DGKB: variants seen among roughly 807,000 people sequenced by gnomAD.
DGKB encodes the protein diacylglycerol kinase beta.
DGKB carries 67 observed loss-of-function variants against 114.3 expected under a neutral mutation model. The observed-to-expected ratio is 0.59, with a 90% CI of 0.48 to 0.72. The LOEUF (loss-of-function observed/expected upper bound fraction) is 0.72, where lower values mean the gene tolerates loss of function less well. Ranked by LOEUF, DGKB falls within the 30% of genes least tolerant of loss-of-function variation. The pLI is 0.00. For synonymous variants in DGKB, 398 were observed against 323.1 expected, an observed-to-expected ratio of 1.23 and a Z score of -2.49; for missense variants, 907 against 975.2, an observed-to-expected ratio of 0.93 and a Z score of 0.93.
At chr7:14,742,042 T>C (rs1212904002) in intron 4 of DGKB, among the ~76,000 whole-genome samples, 2 of 152,216 alleles carry the variant, frequency 1.3e-5, no homozygotes, top group Non-Finnish European at 2.9e-5. Flanking sequence ...TGAGAGACCC[T>C]AAGATAATTT....
intron 23 of DGKB, among the ~76,000 whole-genome samples, chr7:14,237,813 TTA>T (rs1389861862): frequency 4.3e-4 from 66 of 152,128 alleles, no homozygotes; most frequent in Admixed American, 3.2e-3. Context: ...CGTTTGTTTT[TTA>T]TTTTTCTTGA....
chr7:14,509,582 C>G (rs10225630), intron 20 of DGKB, among the ~76,000 whole-genome samples: 16,058 of 152,246 alleles, frequency 0.11, 1,846 homozygotes, highest in African/African-American at 0.29. Context: ...GAATGACTCA[C>G]GAGTTCTCCT....
At chr7:14,326,176 T>C (rs1397865981) in intron 23 of DGKB, among the ~76,000 whole-genome samples, 3 of 152,086 alleles carry the variant, frequency 2.0e-5, no homozygotes, top group South Asian at 2.1e-4. Context: ...TCAATGTCTA[T>C]GTCAAAAGTC....
At chr7:14,761,075 A>G (rs190719267) in intron 2 of DGKB, among the ~76,000 whole-genome samples, 1 of 152,140 alleles carries the variant, frequency 6.6e-6, no homozygotes, top group Non-Finnish European at 1.5e-5. Flanking sequence ...TGCCTCTCCA[A>G]TTCTCAAGTT....
intron 23 of DGKB, among the ~76,000 whole-genome samples, chr7:14,296,715 TAGAG>T (rs146040111): frequency 0.17 from 24,677 of 142,010 alleles, 2,550 homozygotes; most frequent in Non-Finnish European, 0.24. Context: ...CTGAAGGAGA[TAGAG>T]ACACAAAAAA....
chr7:14,341,060 T>C (rs1811528919), intron 22 of DGKB, among the ~76,000 whole-genome samples: 1 of 151,744 alleles, frequency 6.6e-6, no homozygotes, highest in Non-Finnish European at 1.5e-5. Flanking sequence ...TGTATGCTAT[T>C]ATTCATGTTT....
intron 23 of DGKB, among the ~76,000 whole-genome samples, chr7:14,180,571 C>T (rs548050539): frequency 6.6e-6 from 1 of 152,200 alleles, no homozygotes; most frequent in East Asian, 1.9e-4. Context: ...CTAGCAAAGG[C>T]AAATAAATAC....
chr7:14,634,786 G>T (rs1810423016), intron 13 of DGKB, among the ~76,000 whole-genome samples: 1 of 151,274 alleles, frequency 6.6e-6, no homozygotes, highest in Non-Finnish European at 1.5e-5. Context: ...TATATTTTTG[G>T]CTTCCATGTT....
chr7:14,333,626 T>A (rs1485927181), intron 23 of DGKB, among the ~76,000 whole-genome samples: 1 of 152,168 alleles, frequency 6.6e-6, no homozygotes, highest in African/African-American at 2.4e-5. Context: ...AATCAAATAG[T>A]ATGAATGTGT....
chr7:14,919,062 G>GCGCACACACACACACACACACA (rs1213217913), intron 1 of DGKB, among the ~76,000 whole-genome samples: 1 of 118,064 alleles, frequency 8.5e-6, no homozygotes, highest in Non-Finnish European at 1.7e-5. Flanking sequence ...TCCACCACAC[G>GCGCACACACACACACACACACA]CACACACACA....
intron 20 of DGKB, among the ~76,000 whole-genome samples, chr7:14,543,167 TG>T (rs1563458333): frequency 1.3e-5 from 2 of 152,138 alleles, no homozygotes; most frequent in African/African-American, 4.8e-5. Context: ...AGAAAGACCA[TG>T]GCCAGGCATA....
chr7:14,469,438 G>A (rs1369117325), intron 21 of DGKB, among the ~76,000 whole-genome samples: 1 of 152,040 alleles, frequency 6.6e-6, no homozygotes, highest in Non-Finnish European at 1.5e-5. Context: ...AAAAAATGTG[G>A]TGTGAAAGAA....
chr7:14,770,555 G>A (rs1372111538), intron 2 of DGKB, among the ~76,000 whole-genome samples: 2 of 152,094 alleles, frequency 1.3e-5, no homozygotes, highest in African/African-American at 4.8e-5. Context: ...GAAGTTTTCT[G>A]TAACCATTCA....
chr7:14,558,139 T>C (rs1323949930), intron 20 of DGKB, among the ~76,000 whole-genome samples: 1 of 149,968 alleles, frequency 6.7e-6, no homozygotes, highest in Non-Finnish European at 1.5e-5. Flanking sequence ...ATATTTATGA[T>C]AAATATCTAT....
intron 21 of DGKB, among the ~76,000 whole-genome samples, chr7:14,475,117 A>G: frequency 6.6e-6 from 1 of 152,162 alleles, no homozygotes; most frequent in East Asian, 1.9e-4. Flanking sequence ...TAGAAACATC[A>G]TGTTCTTTAA....
Position 14,872,336 on chromosome 7 carries a change from T to G in DGKB, c.-188+30256A>C, listed in dbSNP as rs187593908. On this transcript the variant is annotated intron_variant, in intron 1 of 25. Coordinates refer to ENST00000402815, the MANE Select transcript of DGKB (RefSeq NM_001350709.2). ...ATGATTAAAACATTTTGCTGATGAT[T>G]CCAGAGGCAGCAGACTCAGGATCTC... 2.1e-3 allele frequency among the ~76,000 whole-genome samples: 324 copies of G among 152,266 alleles called. 2 individuals are homozygous for G. Among genetic ancestry groups the G allele is most frequent in the African/African-American group, 6.2e-3 (258 of 41,560 alleles).
chr7:14,770,617 T>A (rs1254266920), intron 2 of DGKB, among the ~76,000 whole-genome samples: 3 of 152,146 alleles, frequency 2.0e-5, no homozygotes, highest in Non-Finnish European at 2.9e-5. Flanking sequence ...TATAGTTCCT[T>A]TGATATCTCT....
intron 23 of DGKB, among the ~76,000 whole-genome samples, chr7:14,200,144 A>C (rs1785615898): frequency 6.6e-6 from 1 of 152,082 alleles, no homozygotes; most frequent in African/African-American, 2.4e-5. Context: ...TAGTTCTTTA[A>C]AGTTGTTTAG....
At chr7:14,730,315 CA>C (rs2128385879) in intron 5 of DGKB, among the ~76,000 whole-genome samples, 1 of 152,218 alleles carries the variant, frequency 6.6e-6, no homozygotes, top group African/African-American at 2.4e-5. Context: ...AGGGATGCTA[CA>C]AGGGACAAAT....
Sources: gnomAD v4.1 joint callset for allele counts (sites outside exome capture counted in the v4.1 genomes callset) on GRCh38, gnomAD v4.1.1 for gene constraint, MANE v1.5 for transcripts, NCBI Gene and HGNC (gene_info 2026-07-23, HGNC 2026-07-21) for gene names.